The following NOS1AP variants were observed in gnomAD, a reference collection of about 807,000 sequenced individuals.
NOS1AP encodes the protein carboxyl-terminal PDZ ligand of neuronal nitric oxide synthase protein.
Under a neutral mutation model 56.2 loss-of-function variants are expected in NOS1AP, and 21 were observed. The ratio of observed to expected loss-of-function variants is 0.37; its 90% CI spans 0.26 to 0.54. NOS1AP has a LOEUF of 0.54. Ranked by LOEUF, NOS1AP falls within the 20% of genes least tolerant of loss-of-function variation. The pLI, the probability that NOS1AP is intolerant of heterozygous loss-of-function variation, is 0.84. For missense variants in NOS1AP, 522 were observed against 657.8 expected, an observed-to-expected ratio of 0.79 and a Z score of 2.26; for synonymous variants, 270 against 274.6, an observed-to-expected ratio of 0.98 and a Z score of 0.17.
At chr1:162,117,231 T>G (rs1030938805) in intron 1 of NOS1AP, among the ~76,000 whole-genome samples, 1 of 152,188 alleles carries the variant, frequency 6.6e-6, no homozygotes, top group Non-Finnish European at 1.5e-5. Flanking sequence ...TCTCCAGATA[T>G]TGCAGGTTTC....
chr1:162,272,054 T>A (rs180910084), intron 2 of NOS1AP, among the ~76,000 whole-genome samples: 7 of 152,264 alleles, frequency 4.6e-5, no homozygotes, highest in Admixed American at 2.0e-4. Context: ...GGTCTCACTA[T>A]ATTGCCCTGG....
At chr1:162,100,457 C>A (rs79380304) in intron 1 of NOS1AP, among the ~76,000 whole-genome samples, 2 of 152,110 alleles carry the variant, frequency 1.3e-5, no homozygotes, top group Non-Finnish European at 2.9e-5. Context: ...GTTCATATCC[C>A]TCACCCACTT....
rs1209266906 is a variant in NOS1AP, at chr1:162,343,993, C to T, written c.595+17C>T. The T allele has an allele frequency of 6.2e-7, 1 of 1,613,774 alleles. No homozygotes were observed. The highest frequency in any genetic ancestry group is 8.5e-7 in the Non-Finnish European group (1 of 1,179,898). On this transcript the variant is annotated intron_variant, in intron 6 of 9. Coordinates refer to ENST00000361897, the MANE Select transcript of NOS1AP (RefSeq NM_014697.3). ...GAGACCCAGGTAGGCACTGCGGCTT[C>T]TGTGGATGTGGGTGGGAAGGCAGTG...
chr1:162,289,208 CT>C (rs58293010), intron 3 of NOS1AP, among the ~76,000 whole-genome samples: 3,193 of 87,688 alleles, frequency 0.036, 270 homozygotes, highest in East Asian at 0.21. Context: ...TCCTTCCTTC[CT>C]TTCCTTCCTT....
chr1:162,268,950 A>G (rs1046184569), intron 2 of NOS1AP, among the ~76,000 whole-genome samples: 1 of 152,214 alleles, frequency 6.6e-6, no homozygotes, highest in Non-Finnish European at 1.5e-5. Flanking sequence ...TGGCCTAAGA[A>G]CCAATACAAG....
At chr1:162,332,483 A>G (rs1406538297) in intron 4 of NOS1AP, among the ~76,000 whole-genome samples, 1 of 152,196 alleles carries the variant, frequency 6.6e-6, no homozygotes, top group East Asian at 1.9e-4. Flanking sequence ...CATTGGTTGA[A>G]TCATGGAATG....
In NOS1AP at chr1:162,367,104, C is replaced by G. The variant is rs367750852; in HGVS notation, c.1158C>G (p.Pro386=). ...TCACCTTCCGCTCCGGAGCCCTGCC[C>G]GTGCTCTGTGACCCCACGACCCCTA... ...LEITFRSGAL[P]VLCDPTTPKP... Residue 386 remains proline, a synonymous_variant, in exon 10 of 10, where the codon CCC becomes CCG. Transcript: ENST00000361897. The surrounding 1 kb of genome is among the most constrained non-coding windows in gnomAD (Gnocchi z 6.5). 6.2e-7 allele frequency: 1 copy of G among 1,613,832 alleles called. No individual in the cohort carries two copies. Among genetic ancestry groups the G allele is most frequent in the African/African-American group, 1.3e-5 (1 of 74,954 alleles).
At position 162,069,784 on chromosome 1, in the gene NOS1AP, TTTC is replaced by T. The variant is rs927915966; in HGVS notation, c.-387_-385del. On this transcript the variant is annotated 5_prime_UTR_variant, in exon 1 of 10. Coordinates refer to ENST00000361897, the MANE Select transcript of NOS1AP (RefSeq NM_014697.3). ...GCCACCGCCACCGCCACCGTCGCCT[TTTC>T]TTCTTCGTCCCGGGCGGTGCGTTCC... 1.9e-5 allele frequency: 3 copies of T among 154,156 alleles called. No individual in the cohort carries two copies. Among genetic ancestry groups the T allele is most frequent in the Non-Finnish European group, 4.3e-5 (3 of 69,706 alleles). The allele number at this position is 154,156 out of a possible 1,614,324, so 9.5% of individuals were successfully genotyped here.
At chr1:162,316,805 A>G (rs1656245082) in intron 4 of NOS1AP, 1 of 152,938 alleles carries the variant, frequency 6.5e-6, no homozygotes, top group South Asian at 2.1e-4. Flanking sequence ...TACATTGATC[A>G]GTTAGGGTGG....
intron 2 of NOS1AP, among the ~76,000 whole-genome samples, chr1:162,227,100 T>G (rs1388945964): frequency 6.6e-6 from 1 of 152,184 alleles, no homozygotes; most frequent in African/African-American, 2.4e-5. Flanking sequence ...GTTTAAAATA[T>G]TTAGGCTAAA....
intron 2 of NOS1AP, among the ~76,000 whole-genome samples, chr1:162,161,189 A>C (rs1191629070): frequency 6.6e-6 from 1 of 152,120 alleles, no homozygotes; most frequent in African/African-American, 2.4e-5. Flanking sequence ...CCCCTTCTCA[A>C]GGTCCTTAAT....
intron 4 of NOS1AP, among the ~76,000 whole-genome samples, chr1:162,307,500 A>G (rs959635903): frequency 2.0e-5 from 3 of 152,210 alleles, no homozygotes; most frequent in Admixed American, 2.0e-4. Flanking sequence ...AAATAGTGAC[A>G]TGATTAAGAA....
rs149733951 is a variant in NOS1AP, at chr1:162,355,386, C to T, written c.762+33C>T. The stretch of plus-strand genomic sequence containing the variant: ...AGAGATGGCCCATCTGTGTGATCTG[C>T]ACACGTGTGCCCTCAGGTCATCAGT... On this transcript the variant is annotated intron_variant, in intron 7 of 9. Transcript: ENST00000361897. 93 of 1,613,100 alleles carry T rather than the reference C, an allele frequency of 5.8e-5. No homozygotes were observed. In the African/African-American group the frequency reaches 1.2e-3, roughly 20 times the overall value.
intron 1 of NOS1AP, among the ~76,000 whole-genome samples, chr1:162,116,575 T>G (rs566476348): frequency 2.6e-4 from 40 of 152,290 alleles, no homozygotes; most frequent in South Asian, 8.3e-4. Context: ...TATGATAGAT[T>G]CGTAGTATGT....
At chr1:162,194,662 C>T (rs1651748345) in intron 2 of NOS1AP, among the ~76,000 whole-genome samples, 1 of 152,150 alleles carries the variant, frequency 6.6e-6, no homozygotes, top group African/African-American at 2.4e-5. Context: ...GGGGATTTGG[C>T]AAGGTTGCCA....
intron 2 of NOS1AP, among the ~76,000 whole-genome samples, chr1:162,193,522 G>T (rs1651707179): frequency 6.6e-6 from 1 of 152,072 alleles, no homozygotes; most frequent in Non-Finnish European, 1.5e-5. Context: ...GTAAGGAGAG[G>T]GTATTTAAGA....
intron 1 of NOS1AP, among the ~76,000 whole-genome samples, chr1:162,103,632 T>C (rs1362983936): frequency 3.9e-5 from 6 of 152,202 alleles, no homozygotes; most frequent in Non-Finnish European, 7.3e-5. Context: ...TGGGTGCATA[T>C]ATATTTAGGA....
intron 2 of NOS1AP, among the ~76,000 whole-genome samples, chr1:162,251,658 ATATGTGTGTGTG>A (rs1465935758): frequency 2.7e-5 from 4 of 150,540 alleles, no homozygotes; most frequent in Non-Finnish European, 5.9e-5. Flanking sequence ...AAATATATAT[ATATGTGTGTGTG>A]TATGTGTGTG....
intron 4 of NOS1AP, among the ~76,000 whole-genome samples, chr1:162,310,808 A>C (rs966189145): frequency 6.6e-6 from 1 of 151,842 alleles, no homozygotes; most frequent in Non-Finnish European, 1.5e-5. Flanking sequence ...GGTGACCCCC[A>C]CACCTCTCTG....
Sources: allele counts gnomAD v4.1 joint callset (sites outside exome capture counted in the v4.1 genomes callset), GRCh38; gene constraint gnomAD v4.1.1; non-coding constraint Gnocchi (gnomAD v3.1); transcripts MANE v1.5; gene names NCBI Gene and HGNC (gene_info 2026-07-23, HGNC 2026-07-21).